POLDIP3: variants seen among roughly 807,000 people sequenced by gnomAD.
POLDIP3 encodes DNA polymerase delta interacting protein 3.
A neutral mutation model predicts 45.1 loss-of-function variants in POLDIP3; 14 were observed. The observed-to-expected ratio is 0.31, with a 90% CI of 0.20 to 0.49. The LOEUF (loss-of-function observed/expected upper bound fraction) is 0.49, where lower values mean the gene tolerates loss of function less well. POLDIP3 is among the 20% of genes least tolerant of loss of function. The pLI is 0.99. For synonymous variants in POLDIP3, 223 were observed against 205.2 expected (o/e 1.09, Z -0.74); for missense variants, 511 against 538.8 (o/e 0.95, Z 0.51).
intron 6 of POLDIP3, among the ~76,000 whole-genome samples, chr22:42,593,022 G>A (rs939072927): frequency 1.3e-5 from 2 of 152,194 alleles, no homozygotes; most frequent in Admixed American, 1.3e-4. Flanking sequence ...AGAACCGCTC[G>A]CAGATACTAA....
intron 2 of POLDIP3, 77 bp downstream of exon 2, chr22:42,602,693 T>C: frequency 6.7e-7 from 1 of 1,485,850 alleles, no homozygotes; most frequent in Non-Finnish European, 9.0e-7. Context: ...TTTTGCCCAG[T>C]CACTCCTGGC....
intron 1 of POLDIP3, among the ~76,000 whole-genome samples, chr22:42,607,460 A>G (rs1280176748): frequency 6.6e-6 from 1 of 151,792 alleles, no homozygotes; most frequent in African/African-American, 2.4e-5. Context: ...GCTCGCTACA[A>G]CCTCCACCTC....
intron 1 of POLDIP3, among the ~76,000 whole-genome samples, chr22:42,604,813 G>T (rs780164810): frequency 9.9e-5 from 15 of 152,220 alleles, no homozygotes; most frequent in Admixed American, 1.3e-4. Flanking sequence ...ACCTAAGGCG[G>T]TAATACAGAC....
chr22:42,594,079 G>A (rs1456806986), intron 6 of POLDIP3, among the ~76,000 whole-genome samples: 1 of 152,136 alleles, frequency 6.6e-6, no homozygotes, highest in Admixed American at 6.5e-5. Flanking sequence ...GGCCAACATG[G>A]TGAAACCTCG....
In POLDIP3 at chr22:42,584,105, AG is replaced by A. The variant is rs1209041168; in HGVS notation, c.*1685del. On this transcript the variant is annotated 3_prime_UTR_variant, in exon 9 of 9. Coordinates refer to ENST00000252115, the MANE Select transcript of POLDIP3 (RefSeq NM_032311.5). Reference sequence around the variant, plus strand: ...TACCCTAAGCACAGTGCAAGCAGTGAGCCCCCGGCTCCCAGTACCTGAAAAA... The same window carrying A: ...TACCCTAAGCACAGTGCAAGCAGTGACCCCCGGCTCCCAGTACCTGAAAAA... The A allele has an allele frequency of 5.9e-5, 9 of 152,684 alleles. No homozygotes were observed. Among genetic ancestry groups the A allele is most frequent in the African/African-American group, 2.2e-4 (9 of 41,446 alleles). The allele number at this position is 152,684 out of a possible 1,614,324, so 9.5% of individuals were successfully genotyped here.
At position 42,585,713 on chromosome 22, in the gene POLDIP3, C is replaced by A; in HGVS notation, c.*78G>T. On this transcript the variant is annotated 3_prime_UTR_variant, in exon 9 of 9. Transcript: ENST00000252115. ...AATCAGGGGTCTCCAGTCCGATGGCCCATTGGTCATAAGCTTTGCCTTGGG... is the reference window on the plus strand; with the variant it reads ...AATCAGGGGTCTCCAGTCCGATGGCACATTGGTCATAAGCTTTGCCTTGGG... The A allele has an allele frequency of 6.7e-7, 1 of 1,490,682 alleles. No homozygotes were observed. Among genetic ancestry groups the A allele is most frequent in the Non-Finnish European group, 9.1e-7 (1 of 1,101,006 alleles). The allele number at this position is 1,490,682 out of a possible 1,614,324, so 92.3% of individuals were successfully genotyped here.
At chr22:42,602,651 C>A in intron 2 of POLDIP3, 119 bp downstream of exon 2, 2 of 1,186,726 alleles carry the variant, frequency 1.7e-6, no homozygotes, top group Non-Finnish European at 2.4e-6. Flanking sequence ...GGAGCAAAGT[C>A]TGTATTATGC....
chr22:42,597,730 C>T (rs1926083179), intron 4 of POLDIP3: 1 of 470,768 alleles, frequency 2.1e-6, no homozygotes. Flanking sequence ...ACTGGAAAGG[C>T]CTGGTCCCTT....
intron 3 of POLDIP3, among the ~76,000 whole-genome samples, chr22:42,600,641 A>C (rs900542670): frequency 5.1e-4 from 77 of 150,926 alleles, no homozygotes; most frequent in African/African-American, 1.8e-3. Context: ...AAAAAAAAGA[A>C]TATATAACCA....
chr22:42,587,516 G>A lies in POLDIP3; in HGVS notation c.1078C>T (p.Pro360Ser), dbSNP rs1925387217. The A allele has an allele frequency of 6.2e-7, 1 of 1,613,986 alleles. No homozygotes were observed. Among genetic ancestry groups the A allele is most frequent in the African/African-American group, 1.3e-5 (1 of 75,032 alleles). ...MNGNVITSDQ[P>S]ILLRLSDSPS... Reference sequence around the variant, plus strand: ...GCCTTTGGAACTCACAGCAGGATGGGCTGGTCTGAGGTGATAACATTCCCA... The same window carrying A: ...GCCTTTGGAACTCACAGCAGGATGGACTGGTCTGAGGTGATAACATTCCCA... Residue 360 changes from proline (P) to serine (S), a missense_variant, in exon 8 of 9, where the codon CCC becomes TCC. This residue lies in a region of POLDIP3 where 66 missense variants were observed against 118.1 expected (regional missense o/e 0.56). Transcript: ENST00000252115.
In POLDIP3 at chr22:42,602,018, A is replaced by G; in HGVS notation, c.489T>C (p.His163=). The part of the protein sequence containing the change: ...QQKAMAPLHP[H]PAGMRINVVN... ...CAACATTGATTCTCATTCCGGCAGG[A>G]TGGGGATGAAGTGGTGCCATGGCTT... The change falls in exon 3 of 9, where the codon CAT becomes CAC. Residue 163 remains histidine, a synonymous_variant. Transcript: ENST00000252115. The G allele has an allele frequency of 6.2e-7, 1 of 1,614,040 alleles. No homozygotes were observed. The highest frequency in any genetic ancestry group is 1.1e-5 in the South Asian group (1 of 91,068).
intron 7 of POLDIP3, among the ~76,000 whole-genome samples, chr22:42,588,051 G>A (rs898257894): frequency 5.3e-5 from 8 of 152,200 alleles, no homozygotes; most frequent in African/African-American, 1.9e-4. Flanking sequence ...ACAGGGCCAT[G>A]TGGGAGTAAC....
chr22:42,606,622 CA>C (rs1375138824), intron 1 of POLDIP3, among the ~76,000 whole-genome samples: 1 of 152,156 alleles, frequency 6.6e-6, no homozygotes, highest in Non-Finnish European at 1.5e-5. Context: ...GACCCTGTCT[CA>C]AAAACATATT....
At chr22:42,612,948 G>T (rs1355779607) in intron 1 of POLDIP3, among the ~76,000 whole-genome samples, 1 of 152,214 alleles carries the variant, frequency 6.6e-6, no homozygotes, top group Non-Finnish European at 1.5e-5. Flanking sequence ...CCCAACAGTG[G>T]CAAGTGCCAG....
rs184754112 is a variant in POLDIP3, at chr22:42,613,206, G to A, written c.59+1593C>T. Among the ~76,000 whole-genome samples, 38 of 152,342 alleles carry A rather than the reference G, an allele frequency of 2.5e-4. No homozygotes were observed. In the East Asian group the frequency reaches 6.5e-3, roughly 26 times the overall value. On this transcript the variant is annotated intron_variant, in intron 1 of 8. Coordinates refer to ENST00000252115, the MANE Select transcript of POLDIP3 (RefSeq NM_032311.5). ...CTACAAAACGTGGATGGACTTAGAAGTGGCCAGAGGAGCCAGCACCAGCTT... is the reference window on the plus strand; with the variant it reads ...CTACAAAACGTGGATGGACTTAGAAATGGCCAGAGGAGCCAGCACCAGCTT...
Position 42,596,167 on chromosome 22 carries a change from G to T in POLDIP3, c.813+19C>A, listed in dbSNP as rs776954371. The stretch of plus-strand genomic sequence containing the variant: ...AGCCCTCCTGACCCCAACTGCTGCA[G>T]TCACCACCATCACCTCACCTCAGCA... On this transcript the variant is annotated intron_variant, in intron 5 of 8. Transcript: ENST00000252115. The T allele has an allele frequency of 1.2e-6, 2 of 1,612,882 alleles. No homozygotes were observed. Among genetic ancestry groups the T allele is most frequent in the South Asian group, 2.2e-5 (2 of 91,008 alleles).
chr22:42,608,615 G>C (rs1476946933), intron 1 of POLDIP3, among the ~76,000 whole-genome samples: 1 of 152,116 alleles, frequency 6.6e-6, no homozygotes, highest in African/African-American at 2.4e-5. Flanking sequence ...CATGCCCAGG[G>C]ATACGGAGCA....
At chr22:42,586,108 G>A (rs1382800632) in intron 8 of POLDIP3, 140 bp from the exon 9 acceptor site, 5 of 750,552 alleles carry the variant, frequency 6.7e-6, no homozygotes, top group African/African-American at 3.6e-5. Context: ...ATTCCACCTC[G>A]CAGCAAACTC....
rs1399669936 is a variant in POLDIP3, at chr22:42,601,326, A to T, written c.537+644T>A. 2.0e-5 allele frequency among the ~76,000 whole-genome samples: 3 copies of T among 151,368 alleles called. No individual in the cohort carries two copies. The East Asian group carries it at 5.8e-4, about 29-fold the overall frequency. ...CCAGGAGTTCGAGACCTGCCTGGGC[A>T]ATATAGCGAGACCCCGTTCTCCAGA... On this transcript the variant is annotated intron_variant, in intron 3 of 8. Coordinates refer to ENST00000252115, the MANE Select transcript of POLDIP3 (RefSeq NM_032311.5).
Sources: allele counts gnomAD v4.1 joint callset (sites outside exome capture counted in the v4.1 genomes callset), GRCh38; gene constraint gnomAD v4.1.1; regional missense constraint gnomAD v4.1.1; transcripts MANE v1.5; gene names NCBI Gene and HGNC (gene_info 2026-07-23, HGNC 2026-07-21).